PHF13: variants seen among roughly 807,000 people sequenced by gnomAD.
PHF13 encodes the protein PHD finger protein 13.
A neutral mutation model predicts 25.8 loss-of-function variants in PHF13; 1 was observed. The ratio of observed to expected loss-of-function variants is 0.04; its 90% CI spans 0.01 to 0.18. The LOEUF (loss-of-function observed/expected upper bound fraction) is 0.18, where lower values mean the gene tolerates loss of function less well. Among genes scored for constraint, PHF13 ranks in the 10% least tolerant of loss-of-function variants. The pLI is 1.00. For synonymous variants in PHF13, 195 were observed against 162.4 expected (o/e 1.20, Z -1.53); for missense variants, 306 against 403.2 (o/e 0.76, Z 2.06).
intron 2 of PHF13, 59 bp from the exon 3 acceptor site, chr1:6,619,744 T>G (rs992790813): frequency 1.3e-6 from 2 of 1,516,704 alleles, no homozygotes; most frequent in African/African-American, 2.8e-5. Context: ...CTGGGGATGC[T>G]CTGCTCTGGG....
rs1034950620 is a variant in PHF13 at position 6,622,762 on chromosome 1, C to T, written c.*1125C>T. The T allele has an allele frequency of 1.3e-5, 2 of 152,152 alleles. No individual in the cohort carries two copies. Among genetic ancestry groups the T allele is most frequent in the African/African-American group, 2.4e-5 (1 of 41,418 alleles). 9.4% of individuals were successfully genotyped at this position (152,152 alleles called of 1,614,324 possible). ...TCAGGATGACCCCTTGGAACTGTGCCGAGTTCCTTAAATCTCAGCTGGGAT... is the reference window on the plus strand; with the variant it reads ...TCAGGATGACCCCTTGGAACTGTGCTGAGTTCCTTAAATCTCAGCTGGGAT... On this transcript the variant is annotated 3_prime_UTR_variant, in exon 4 of 4. Coordinates refer to ENST00000377648, the MANE Select transcript of PHF13 (RefSeq NM_153812.3).
chr1:6,617,976 C>G (rs901930307), intron 2 of PHF13, among the ~76,000 whole-genome samples: 1 of 152,100 alleles, frequency 6.6e-6, no homozygotes, highest in African/African-American at 2.4e-5. Flanking sequence ...CCTGGCTGCC[C>G]GAAATGCGTA....
intron 3 of PHF13, 72 bp downstream of exon 3, chr1:6,620,409 C>T: frequency 6.7e-7 from 1 of 1,494,354 alleles, no homozygotes; most frequent in Non-Finnish European, 9.0e-7. Flanking sequence ...ATTAAGTGGT[C>T]ATCTCTCTGG....
At chr1:6,614,148 C>G (rs770157830) in intron 1 of PHF13, 43 bp downstream of exon 1, 1 of 1,586,112 alleles carries the variant, frequency 6.3e-7, no homozygotes, top group South Asian at 1.1e-5. Context: ...ACCACCCCCT[C>G]CGCGATCCTG....
At chr1:6,619,487 C>T (rs1641307433) in intron 2 of PHF13, among the ~76,000 whole-genome samples, 1 of 152,134 alleles carries the variant, frequency 6.6e-6, no homozygotes, top group African/African-American at 2.4e-5. Flanking sequence ...CTACAGGCAC[C>T]ACCACCACGC....
intron 1 of PHF13, among the ~76,000 whole-genome samples, chr1:6,615,836 T>C (rs1410256835): frequency 3.3e-5 from 5 of 152,120 alleles, no homozygotes; most frequent in Admixed American, 3.3e-4. Context: ...AAGACTAAGC[T>C]TCGCAGTAAG....
chr1:6,615,627 A>G (rs1641249422), intron 1 of PHF13, among the ~76,000 whole-genome samples: 1 of 152,146 alleles, frequency 6.6e-6, no homozygotes, highest in African/African-American at 2.4e-5. Flanking sequence ...GGTGGGTCGG[A>G]CAAGGCACTG....
rs1435369743 is a variant in PHF13 at position 6,614,064 on chromosome 1, A to G, written c.-3A>G. On this transcript the variant is annotated 5_prime_UTR_variant, in exon 1 of 4. Transcript: ENST00000377648. ...GCAGCCGCCGCCGCCCCCCGCCCGG[A>G]ACATGGACTCTGACTCTTGCGCCGC... 8 of 1,502,724 alleles carry G rather than the reference A, an allele frequency of 5.3e-6. No homozygotes were observed. In the South Asian group the frequency reaches 8.0e-5, roughly 15 times the overall value. 93.1% of individuals were successfully genotyped at this position (1,502,724 alleles called of 1,614,324 possible). A position where few individuals can be genotyped will look rare whatever the true frequency, so the allele number is the denominator to read the frequency against.
chr1:6,617,674 G>A (rs1418519755), intron 2 of PHF13, among the ~76,000 whole-genome samples: 9 of 152,118 alleles, frequency 5.9e-5, no homozygotes, highest in African/African-American at 1.7e-4. Flanking sequence ...TGATCCACCC[G>A]CCTCGGCCTC....
chr1:6,617,569 C>G (rs966306205), intron 2 of PHF13, among the ~76,000 whole-genome samples: 6 of 151,650 alleles, frequency 4.0e-5, no homozygotes, highest in Admixed American at 2.6e-4. Context: ...TCATGAGTAG[C>G]TGGGCGCGCC....
Position 6,622,756 on chromosome 1 carries a change from CTG to C in PHF13, c.*1122_*1123del, listed in dbSNP as rs1452030641. ...GGGCCTTCAGGATGACCCCTTGGAA[CTG>C]TGCCGAGTTCCTTAAATCTCAGCTG... On this transcript the variant is annotated 3_prime_UTR_variant, in exon 4 of 4. Transcript: ENST00000377648. The C allele has an allele frequency of 3.3e-5, 5 of 152,120 alleles. No homozygotes were observed. The highest frequency in any genetic ancestry group is 5.9e-5 in the Non-Finnish European group (4 of 68,072). 9.4% of individuals were successfully genotyped at this position (152,120 alleles called of 1,614,324 possible). A position where few individuals can be genotyped will look rare whatever the true frequency, so the allele number is the denominator to read the frequency against.
At chr1:6,614,680 C>A (rs1463491065) in intron 1 of PHF13, 1 of 151,166 alleles carries the variant, frequency 6.6e-6, no homozygotes, top group African/African-American at 2.4e-5. Flanking sequence ...GGGCCCCACC[C>A]GCTCTGGGGA....
intron 1 of PHF13, among the ~76,000 whole-genome samples, chr1:6,616,046 T>TTTTTA (rs1641256080): frequency 6.7e-6 from 1 of 148,758 alleles, no homozygotes. Context: ...TTTTTTTTTT[T>TTTTTA]GAGTTGGAAT....
intron 1 of PHF13, chr1:6,614,488 C>G (rs1330325189): frequency 8.9e-6 from 2 of 223,526 alleles, no homozygotes; most frequent in African/African-American, 4.7e-5. Context: ...GAGCCGCCGC[C>G]CGCCCCTGGC....
intron 2 of PHF13, among the ~76,000 whole-genome samples, chr1:6,619,549 G>A (rs1641308087): frequency 6.6e-6 from 1 of 152,166 alleles, no homozygotes; most frequent in African/African-American, 2.4e-5. Flanking sequence ...ATGTTGGCCA[G>A]GTTGGTCTTG....
chr1:6,614,836 C>G (rs935878755), intron 1 of PHF13, among the ~76,000 whole-genome samples: 3 of 151,478 alleles, frequency 2.0e-5, no homozygotes, highest in African/African-American at 7.3e-5. Flanking sequence ...CGGCCTCCCC[C>G]CCGCGCGGTC....
At chr1:6,614,247 A>AC in intron 1 of PHF13, 142 bp downstream of exon 1, 1 of 577,290 alleles carries the variant, frequency 1.7e-6, no homozygotes, top group Non-Finnish European at 2.9e-6. Context: ...CGGGAGCCCA[A>AC]CCCCCGCCCC....
In PHF13 at chr1:6,621,362, G is replaced by T; in HGVS notation, c.677-49G>T. 6.3e-7 allele frequency: 1 copy of T among 1,589,002 alleles called. No individual in the cohort carries two copies. Among genetic ancestry groups the T allele is most frequent in the Non-Finnish European group, 8.6e-7 (1 of 1,159,134 alleles). ...TTCATGGAAGCCCAGCTGATGGCGA[G>T]GAATGATGGGAATTTCTCTTCCCTC... On this transcript the variant is annotated intron_variant, in intron 3 of 3. Coordinates refer to ENST00000377648, the MANE Select transcript of PHF13 (RefSeq NM_153812.3). The surrounding 1 kb of genome is among the most constrained non-coding windows in gnomAD (Gnocchi z 4.8).
In PHF13 at chr1:6,614,161, G is replaced by C. The variant is rs1294224312; in HGVS notation, c.39+56G>C. ...CGACCACCCCCTCCGCGATCCTGCC[G>C]TCCTCAGGCAGCCAGACCCCCGGTC... is the stretch of plus-strand genomic sequence containing the variant. On this transcript the variant is annotated intron_variant, in intron 1 of 3. Transcript: ENST00000377648. 13 of 1,520,644 alleles carry C rather than the reference G, an allele frequency of 8.5e-6. No homozygotes were observed. In the South Asian group the frequency reaches 1.5e-4, roughly 18 times the overall value. 94.2% of individuals were successfully genotyped at this position (1,520,644 alleles called of 1,614,324 possible). A position where few individuals can be genotyped will look rare whatever the true frequency, so the allele number is the denominator to read the frequency against.
Sources: gnomAD v4.1 joint callset for allele counts (sites outside exome capture counted in the v4.1 genomes callset) on GRCh38, gnomAD v4.1.1 for gene constraint, Gnocchi (gnomAD v3.1) non-coding constraint, MANE v1.5 for transcripts, NCBI Gene and HGNC (gene_info 2026-07-23, HGNC 2026-07-21) for gene names.